The following ABR variants were observed in gnomAD, a reference collection of about 807,000 sequenced individuals.
ABR encodes the protein ABR activator of RhoGEF and GTPase.
ABR carries 35 observed loss-of-function variants against 107.2 expected under a neutral mutation model. That is an observed-to-expected ratio of 0.33 (90% CI 0.25 to 0.43). The LOEUF (loss-of-function observed/expected upper bound fraction) is 0.43, where lower values mean the gene tolerates loss of function less well. ABR is among the 20% of genes least tolerant of loss of function. The probability of loss-of-function intolerance (pLI) is 1.00; values close to 1 mark genes in which losing one functional copy is unlikely to be tolerated. For synonymous variants in ABR, 498 were observed against 462.0 expected (o/e 1.08, Z -1.00); for missense variants, 815 against 1,115.2 (o/e 0.73, Z 3.83).
At chr17:1,125,439 C>A (rs777559486) in intron 1 of ABR, 72 bp from the exon 2 acceptor site, 1 of 1,576,520 alleles carries the variant, frequency 6.3e-7, no homozygotes. Context: ...GCGTAGTGGG[C>A]GCCGGCGGCG....
chr17:1,097,752 T>A (rs2037571128), intron 3 of ABR, among the ~76,000 whole-genome samples: 1 of 152,204 alleles, frequency 6.6e-6, no homozygotes, highest in Non-Finnish European at 1.5e-5. Flanking sequence ...GGCCAGGCAG[T>A]CTAGATCCTC....
At chr17:1,168,278 C>T (rs766373440) in intron 1 of ABR, among the ~76,000 whole-genome samples, 6 of 151,942 alleles carry the variant, frequency 3.9e-5, no homozygotes, top group African/African-American at 7.3e-5. Context: ...CCAGCCTGGG[C>T]GACAAGAGCG....
upstream of ABR, among the ~76,000 whole-genome samples, chr17:1,180,055 T>C (rs1164867902): frequency 3.7e-4 from 4 of 10,704 alleles, no homozygotes; most frequent in African/African-American, 1.2e-3. Flanking sequence ...GGGGCTTTGG[T>C]GCGGGGGCGG....
chr17:1,031,920 CTCCTCCGCATCCCTCCT>C, intron 16 of ABR: 1 of 1,048,898 alleles, frequency 9.5e-7, no homozygotes, highest in Non-Finnish European at 1.2e-6. Flanking sequence ...TCCCTCCTCC[CTCCTCCGCATCCCTCCT>C]TCCCCGCCCT....
chr17:1,181,760 G>A (rs1000008256), upstream of ABR: 2 of 152,204 alleles, frequency 1.3e-5, no homozygotes, highest in Non-Finnish European at 2.9e-5. Context: ...GGTGGAAACG[G>A]GCGTGAGCTG....
chr17:1,209,006 T>A (rs2042852582), intron 1 of ABR, among the ~76,000 whole-genome samples: 1 of 152,178 alleles, frequency 6.6e-6, no homozygotes, highest in African/African-American at 2.4e-5. Flanking sequence ...GCTAGCCTAG[T>A]ACCACAGTTA....
chr17:1,005,959 G>C lies in ABR; in HGVS notation c.*121C>G, dbSNP rs796321696. On this transcript the variant is annotated 3_prime_UTR_variant, in exon 23 of 23. Coordinates refer to ENST00000302538, the MANE Select transcript of ABR (RefSeq NM_021962.5). ...TACGCATTCCAGTTCTTGGAAGCTG[G>C]CTTCCCTCGAGTCTGGAGTGCTGGG... 1.1e-5 allele frequency: 10 copies of C among 928,312 alleles called. 2 individuals carry two copies. The African/African-American group carries it at 1.6e-4, about 15-fold the overall frequency. The allele number at this position is 928,312 out of a possible 1,614,324, so 57.5% of individuals were successfully genotyped here. A position where few individuals can be genotyped will look rare whatever the true frequency, so the allele number is the denominator to read the frequency against.
At position 1,150,449 on chromosome 17, in the gene ABR, A is replaced by G. The variant is rs908425692; in HGVS notation, c.62-25082T>C. On this transcript the variant is annotated intron_variant, in intron 1 of 22. Coordinates refer to ENST00000302538, the MANE Select transcript of ABR (RefSeq NM_021962.5). The surrounding 1 kb of genome is among the most constrained non-coding windows in gnomAD (Gnocchi z 4.8). ...GTGCTCAGAGCAGTCAGATTCGTCC[A>G]GACACAAAGAGGAGGGTGGTGGCCA... Among the ~76,000 whole-genome samples, 5 of 152,160 alleles carry G rather than the reference A, an allele frequency of 3.3e-5. No homozygotes were observed. The highest frequency in any genetic ancestry group is 4.4e-5 in the Non-Finnish European group (3 of 68,020).
chr17:1,141,939 G>A (rs1410194699), intron 1 of ABR, among the ~76,000 whole-genome samples: 1 of 151,916 alleles, frequency 6.6e-6, no homozygotes, highest in Non-Finnish European at 1.5e-5. Flanking sequence ...TGTATTTTTA[G>A]TAGAGGTAGG....
rs1179256289 is a variant in ABR at position 1,050,678 on chromosome 17, G to C, written c.1562-44C>G. ...CGGAGATACTGAGTGAGTGGGGCCA[G>C]GGTGGGGCAGCTGGGGCGGCACTCA... On this transcript the variant is annotated intron_variant, in intron 14 of 22. Transcript: ENST00000302538. This position sits in a 1 kb window ranked among gnomAD's most constrained non-coding sequence, Gnocchi z 4.6. 2 of 1,540,736 alleles carry C rather than the reference G, an allele frequency of 1.3e-6. No individual in the cohort carries two copies. The highest frequency in any genetic ancestry group is 1.1e-5 in the South Asian group (1 of 89,666).
intron 2 of ABR, chr17:1,101,277 C>G (rs555504033): frequency 2.0e-5 from 3 of 153,180 alleles, no homozygotes; most frequent in East Asian, 1.9e-4. Context: ...GCCCGGCCCC[C>G]CTTTCCCCTT....
rs868202587 is a variant in ABR, at chr17:1,173,894, G to A, written c.61+5773C>T. On this transcript the variant is annotated intron_variant, in intron 1 of 22. Coordinates refer to ENST00000302538, the MANE Select transcript of ABR (RefSeq NM_021962.5). ...GGCTTTCCCGGATGAGGAGCGCAAT[G>A]AGCTGGACAGCTGAGCTGCTCAATA... 5.3e-5 allele frequency among the ~76,000 whole-genome samples: 8 copies of A among 152,334 alleles called. No individual in the cohort carries two copies. In the Middle Eastern group the frequency reaches 0.01, roughly 194 times the overall value.
chr17:1,219,931 T>G (rs1390612554), intron 1 of ABR, among the ~76,000 whole-genome samples: 1 of 151,714 alleles, frequency 6.6e-6, no homozygotes, highest in Non-Finnish European at 1.5e-5. Context: ...CTTGACCTAG[T>G]GCTTTGCAGA....
At position 1,004,846 on chromosome 17, in the gene ABR, C is replaced by T; in HGVS notation, c.*1234G>A. 2.5e-6 allele frequency: 1 copy of T among 394,892 alleles called. No homozygotes were observed. The highest frequency in any genetic ancestry group is 4.5e-6 in the Non-Finnish European group (1 of 223,964). 24.5% of individuals were successfully genotyped at this position (394,892 alleles called of 1,614,324 possible). ...ACCACAATGGCTGGCCACCGTGGGC[C>T]TGTGCCTTTGCTTCCCAGGTCCTGG... On this transcript the variant is annotated 3_prime_UTR_variant, in exon 23 of 23. Coordinates refer to ENST00000302538, the MANE Select transcript of ABR (RefSeq NM_021962.5).
At chr17:1,195,304 C>CAAAAAA (rs564020208) in intron 1 of ABR, among the ~76,000 whole-genome samples, 1 of 87,636 alleles carries the variant, frequency 1.1e-5, no homozygotes, top group Admixed American at 1.5e-4. Flanking sequence ...GAGACTGTCT[C>CAAAAAA]AAAAAAAAAA....
At chr17:1,089,963 C>CA (rs996571958) in intron 4 of ABR, among the ~76,000 whole-genome samples, 1 of 151,814 alleles carries the variant, frequency 6.6e-6, no homozygotes, top group African/African-American at 2.4e-5. Flanking sequence ...TCCGTCTCAA[C>CA]AAAAAAAGGA....
At chr17:1,182,556 C>T (rs553587112), upstream of ABR, among the ~76,000 whole-genome samples, 2 of 152,222 alleles carry the variant, frequency 1.3e-5, no homozygotes, top group East Asian at 1.9e-4. Flanking sequence ...TTAGTAGAGA[C>T]GGGGTTTCAC....
At position 1,050,423 on chromosome 17, in the gene ABR, G is replaced by T; in HGVS notation, c.1659+114C>A. On this transcript the variant is annotated intron_variant, in intron 15 of 22. Transcript: ENST00000302538. This position sits in a 1 kb window ranked among gnomAD's most constrained non-coding sequence, Gnocchi z 4.6. The stretch of plus-strand genomic sequence containing the variant: ...TCAGAAGCCAGAGGAGCAGGGAGCA[G>T]AAAGGGGGGTGCAGACATAGCTGGT... The T allele has an allele frequency of 9.2e-7, 1 of 1,089,512 alleles. No homozygotes were observed. 67.5% of individuals were successfully genotyped at this position (1,089,512 alleles called of 1,614,324 possible).
intron 1 of ABR, among the ~76,000 whole-genome samples, chr17:1,207,146 A>G (rs1380339869): frequency 2.0e-5 from 3 of 151,338 alleles, no homozygotes; most frequent in Non-Finnish European, 4.4e-5. Flanking sequence ...CTACTACTCC[A>G]CAGGCTAAGG....
Sources: gnomAD v4.1 joint callset for allele counts (sites outside exome capture counted in the v4.1 genomes callset) on GRCh38, gnomAD v4.1.1 for gene constraint, Gnocchi (gnomAD v3.1) non-coding constraint, MANE v1.5 for transcripts, NCBI Gene and HGNC (gene_info 2026-07-23, HGNC 2026-07-21) for gene names.